CDC20: variants seen among roughly 807,000 people sequenced by gnomAD.
CDC20 encodes cell division cycle 20.
A neutral mutation model predicts 60.0 loss-of-function variants in CDC20; 34 were observed. The observed-to-expected ratio is 0.57, with a 90% CI of 0.43 to 0.75. The LOEUF (loss-of-function observed/expected upper bound fraction) is 0.75, where lower values mean the gene tolerates loss of function less well. Ranked by LOEUF, CDC20 falls within the 30% of genes least tolerant of loss-of-function variation. The probability of loss-of-function intolerance (pLI) is 0.00; values close to 1 mark genes in which losing one functional copy is unlikely to be tolerated. For missense variants in CDC20, 469 were observed against 647.3 expected (o/e 0.72, Z 2.99); for synonymous variants, 198 against 243.5 (o/e 0.81, Z 1.74).
intron 8 of CDC20, 59 bp from the exon 9 acceptor site, chr1:43,361,061 A>AC: frequency 6.2e-7 from 1 of 1,609,992 alleles, no homozygotes; most frequent in Non-Finnish European, 8.5e-7. Context: ...TTAATCTGTG[A>AC]CCCCTAGAGC....
rs754070636 is a variant in CDC20 at position 43,360,348 on chromosome 1, G to A, written c.712G>A (p.Gly238Ser). The A allele has an allele frequency of 2.1e-5, 34 of 1,614,074 alleles. No homozygotes were observed. In the Admixed American group the frequency reaches 5.3e-4, roughly 25 times the overall value. ...ATCCTCTGTGGCCTGGATCAAAGAGGGCAACTACTTGGCTGTGGGCACCAG... is the reference window on the plus strand; with the variant it reads ...ATCCTCTGTGGCCTGGATCAAAGAGAGCAACTACTTGGCTGTGGGCACCAG... ...YISSVAWIKEGNYLAVGTSSA... is the reference protein window; with the variant it reads ...YISSVAWIKESNYLAVGTSSA... Residue 238 changes from glycine (G) to serine (S), a missense_variant, in exon 6 of 11, where the codon GGC becomes AGC. Gly to Ser is a moderately conservative substitution (Grantham distance 56). Transcript: ENST00000310955.
intron 10 of CDC20, 49 bp from the exon 11 acceptor site, chr1:43,362,902 T>A: frequency 7.1e-7 from 1 of 1,410,408 alleles, no homozygotes; most frequent in Non-Finnish European, 9.6e-7. Flanking sequence ...GCCTCCTTTA[T>A]GGCTATGGCT....
In CDC20 at chr1:43,360,115, C is replaced by T. The variant is rs749068237; in HGVS notation, c.556+18C>T. 1.2e-6 allele frequency: 2 copies of T among 1,614,086 alleles called. No homozygotes were observed. Among genetic ancestry groups the T allele is most frequent in the African/African-American group, 2.7e-5 (2 of 74,928 alleles). On this transcript the variant is annotated intron_variant, in intron 5 of 10. Coordinates refer to ENST00000310955, the MANE Select transcript of CDC20 (RefSeq NM_001255.3). ...TGACTATTGTAAGTGCATCCTTATC[C>T]TCGCCTCATGCATGGAGAAAGAGGG...
rs1225329364 is a variant in CDC20 at position 43,359,730 on chromosome 1, T to A, written c.336T>A (p.His112Gln). Residue 112 changes from histidine (H) to glutamine (Q), a missense_variant, in exon 4 of 11, where the codon CAT (histidine) becomes CAA (glutamine). Transcript: ENST00000310955. ...ENSQTPTKKEHQKAWALNLNG... is the reference protein window; with the variant it reads ...ENSQTPTKKEQQKAWALNLNG... ...TTCACTACCCTTTATGCCAGGAACA[T>A]CAGAAAGCCTGGGCTTTGAACCTGA... 4.5e-5 allele frequency: 72 copies of A among 1,613,678 alleles called. No homozygotes were observed. The highest frequency in any genetic ancestry group is 6.0e-5 in the Non-Finnish European group (71 of 1,180,006).
intron 9 of CDC20, 125 bp downstream of exon 9, chr1:43,361,370 G>A: frequency 1.1e-6 from 1 of 938,516 alleles, no homozygotes; most frequent in East Asian, 2.6e-5. Flanking sequence ...TCTCACTCAT[G>A]AGCTTCATTT....
intron 1 of CDC20, 22 bp from the exon 2 acceptor site, chr1:43,359,145 A>G: frequency 6.6e-7 from 1 of 1,520,830 alleles, no homozygotes; most frequent in East Asian, 2.2e-5. Context: ...TCCCCTGAGC[A>G]CCGTCGCCTC....
At chr1:43,359,874 G>A in intron 4 of CDC20, 53 bp downstream of exon 4, 7 of 1,607,868 alleles carry the variant, frequency 4.4e-6, no homozygotes, top group Non-Finnish European at 5.1e-6. Flanking sequence ...CATCTCCAGG[G>A]CTGAGCACAG....
At position 43,360,117 on chromosome 1, in the gene CDC20, C is replaced by T. The variant is rs770728512; in HGVS notation, c.556+20C>T. On this transcript the variant is annotated intron_variant, in intron 5 of 10. Coordinates refer to ENST00000310955, the MANE Select transcript of CDC20 (RefSeq NM_001255.3). ...ACTATTGTAAGTGCATCCTTATCCT[C>T]GCCTCATGCATGGAGAAAGAGGGCC... The T allele has an allele frequency of 1.7e-5, 27 of 1,614,036 alleles. No homozygotes were observed. The highest frequency in any genetic ancestry group is 2.3e-5 in the Non-Finnish European group (27 of 1,180,026).
chr1:43,359,529 C>T lies in CDC20; in HGVS notation c.221C>T (p.Pro74Leu), dbSNP rs1647160619. ...AAGGTTCAGACCACTCCTAGCAAAC[C>T]TGGCGGTGACCGCTATATCCCCCAT... ...SSKVQTTPSK[P>L]GGDRYIPHRS... The change falls in exon 3 of 11, where the codon CCT becomes CTT. Residue 74 changes from proline to leucine, a missense_variant. Around this residue, in one of 5 missense-constraint regions of CDC20, gnomAD observed 115 missense variants for 156.1 expected, o/e 0.74. Coordinates refer to ENST00000310955, the MANE Select transcript of CDC20 (RefSeq NM_001255.3). 6.2e-7 allele frequency: 1 copy of T among 1,614,052 alleles called. No homozygotes were observed. The highest frequency in any genetic ancestry group is 8.5e-7 in the Non-Finnish European group (1 of 1,180,054).
Position 43,363,082 on chromosome 1 carries a change from A to G in CDC20, c.1453A>G (p.Lys485Glu), listed in dbSNP as rs1488196803. 1.7e-5 allele frequency: 27 copies of G among 1,613,590 alleles called. No individual in the cohort carries two copies. Among genetic ancestry groups the G allele is most frequent in the Non-Finnish European group, 2.2e-5 (26 of 1,179,828 alleles). Residue 485 changes from lysine to glutamate, a missense_variant, in exon 11 of 11, where the codon AAG (lysine) becomes GAG (glutamate). Coordinates refer to ENST00000310955, the MANE Select transcript of CDC20 (RefSeq NM_001255.3). ...LDPARRRERE[K>E]ASAAKSSLIH... ...CCCTGCGCGGCGGCGGGAGCGGGAG[A>G]AGGCCAGTGCAGCCAAAAGCAGCCT...
chr1:43,359,407 TGC>T lies in CDC20; in HGVS notation c.181+12_181+13del, dbSNP rs761632606. On this transcript the variant is annotated intron_variant, in intron 2 of 10. Coordinates refer to ENST00000310955, the MANE Select transcript of CDC20 (RefSeq NM_001255.3). ...CGGGCCGAACTCCTGGTCAGTGAGG[TGC>T]CAAAGGAACTGAGTGAGAGCAGCCT... 1.2e-5 allele frequency: 19 copies of T among 1,612,492 alleles called. 1 individual carries two copies. The South Asian group carries it at 2.0e-4, about 17-fold the overall frequency.
At chr1:43,359,107 C>A in intron 1 of CDC20, 60 bp from the exon 2 acceptor site, 2 of 1,174,920 alleles carry the variant, frequency 1.7e-6, no homozygotes, top group Non-Finnish European at 2.5e-6. Flanking sequence ...ATTTTGTGGC[C>A]GGCCAGGAGC....
chr1:43,360,137 AG>A, intron 5 of CDC20, 40 bp downstream of exon 5: 1 of 1,614,138 alleles, frequency 6.2e-7, no homozygotes, highest in South Asian at 1.1e-5. Flanking sequence ...ATGGAGAAAG[AG>A]GGCCTGGGAC....
chr1:43,362,070 A>G (rs2153922549), intron 9 of CDC20, 125 bp from the exon 10 acceptor site: 3 of 599,040 alleles, frequency 5.0e-6, no homozygotes, highest in South Asian at 2.6e-5. Flanking sequence ...GAACTTTTGT[A>G]TGGACTATGA....
rs1356284197 is a variant in CDC20 at position 43,362,976 on chromosome 1, G to T, written c.1347G>T (p.Leu449=). Residue 449 remains leucine (L), a synonymous_variant, in exon 11 of 11, where the codon CTG becomes CTT. Transcript: ENST00000310955. ...GTCACACATCCCGGGTCCTGAGTCT[G>T]ACCATGAGCCCAGATGGGGCCACAG... ...LKGHTSRVLS[L]TMSPDGATVA... The T allele has an allele frequency of 6.2e-7, 1 of 1,603,200 alleles. No individual in the cohort carries two copies. The highest frequency in any genetic ancestry group is 8.5e-7 in the Non-Finnish European group (1 of 1,176,980).
chr1:43,361,361 C>G, intron 9 of CDC20, 116 bp downstream of exon 9: 1 of 1,032,648 alleles, frequency 9.7e-7, no homozygotes. Flanking sequence ...TAACTCAGCT[C>G]TCACTCATGA....
chr1:43,360,050 C>T lies in CDC20; in HGVS notation c.509C>T (p.Ser170Phe). 6.2e-7 allele frequency: 1 copy of T among 1,614,248 alleles called. No homozygotes were observed. Among genetic ancestry groups the T allele is most frequent in the Non-Finnish European group, 8.5e-7 (1 of 1,180,036 alleles). The change falls in exon 5 of 11, where the codon TCC becomes TTC. Residue 170 changes from serine (S) to phenylalanine (F), a missense_variant. Coordinates refer to ENST00000310955, the MANE Select transcript of CDC20 (RefSeq NM_001255.3). Reference protein sequence around the residue: ...SSRKTCRYIPSLPDRILDAPE... With the variant: ...SSRKTCRYIPFLPDRILDAPE... The stretch of plus-strand genomic sequence containing the variant: ...CGGAAGACCTGCCGTTACATTCCTT[C>T]CCTGCCAGACCGTATCCTGGATGCG...
intron 9 of CDC20, among the ~76,000 whole-genome samples, chr1:43,361,888 T>C (rs1027946607): frequency 2.0e-5 from 3 of 152,252 alleles, no homozygotes; most frequent in African/African-American, 7.2e-5. Flanking sequence ...ATTCTGGCTC[T>C]GTCATCTACT....
chr1:43,359,722 C>T lies in CDC20; in HGVS notation c.331-3C>T, dbSNP rs1431107359. On this transcript the variant is annotated splice_region_variant and splice_polypyrimidine_tract_variant and intron_variant, in intron 3 of 10. Transcript: ENST00000310955. ...CTTGCTCCTTCACTACCCTTTATGC[C>T]AGGAACATCAGAAAGCCTGGGCTTT... is the stretch of plus-strand genomic sequence containing the variant. 2 of 1,613,808 alleles carry T rather than the reference C, an allele frequency of 1.2e-6. No individual in the cohort carries two copies. Among genetic ancestry groups the T allele is most frequent in the Non-Finnish European group, 1.7e-6 (2 of 1,180,004 alleles).
Sources: allele counts gnomAD v4.1 joint callset (sites outside exome capture counted in the v4.1 genomes callset), GRCh38; gene constraint gnomAD v4.1.1; regional missense constraint gnomAD v4.1.1; transcripts MANE v1.5; gene names NCBI Gene and HGNC (gene_info 2026-07-23, HGNC 2026-07-21).